GRIA1: variants seen among roughly 807,000 people sequenced by gnomAD.
The protein encoded by GRIA1 is glutamate receptor 1.
Under a neutral mutation model 99.2 loss-of-function variants are expected in GRIA1, and 31 were observed. The ratio of observed to expected loss-of-function variants is 0.31; its 90% confidence interval spans 0.23 to 0.42. The LOEUF is 0.42. GRIA1 is among the 10% of genes least tolerant of loss of function. The probability of loss-of-function intolerance (pLI) is 1.00; values close to 1 mark genes in which losing one functional copy is unlikely to be tolerated. For missense variants in GRIA1, 782 were observed against 1,157.5 expected, an observed-to-expected ratio of 0.68 and a Z score of 4.71; for synonymous variants, 438 against 432.4, an observed-to-expected ratio of 1.01 and a Z score of -0.16.
chr5:153,650,711 A>G (rs1305554058), intron 4 of GRIA1, among the ~76,000 whole-genome samples, 197 bp downstream of exon 4: 1 of 151,854 alleles, frequency 6.6e-6, no homozygotes, highest in Non-Finnish European at 1.5e-5. Flanking sequence ...GCCTTGACAT[A>G]GGGCTTCAAA....
intron 2 of GRIA1, among the ~76,000 whole-genome samples, chr5:153,614,555 AGTTT>A (rs1766299802): frequency 6.6e-6 from 1 of 152,212 alleles, no homozygotes; most frequent in Non-Finnish European, 1.5e-5. Flanking sequence ...AAAGTGGCAG[AGTTT>A]GTTTGTAACC....
chr5:153,562,711 A>T (rs141422825), intron 2 of GRIA1, among the ~76,000 whole-genome samples: 1 of 152,168 alleles, frequency 6.6e-6, no homozygotes, highest in Admixed American at 6.5e-5. Context: ...GAGTGAGTGA[A>T]TGATTGAATC....
At chr5:153,725,041 C>T (rs773915207) in intron 11 of GRIA1, among the ~76,000 whole-genome samples, 4,973 of 152,208 alleles carry the variant, frequency 0.033, 111 homozygotes, top group Non-Finnish European at 0.046. Flanking sequence ...AGACTAACAG[C>T]GGATCTCTCG....
chr5:153,596,919 G>A (rs575301219), intron 2 of GRIA1, among the ~76,000 whole-genome samples: 100 of 152,330 alleles, frequency 6.6e-4, no homozygotes, highest in Middle Eastern at 3.4e-3. Flanking sequence ...CCACTCAGCT[G>A]TCATACAGGC....
chr5:153,597,226 T>C (rs934011922), intron 2 of GRIA1, among the ~76,000 whole-genome samples: 1 of 152,180 alleles, frequency 6.6e-6, no homozygotes, highest in Non-Finnish European at 1.5e-5. Context: ...TTCCCTCTTT[T>C]CCTTTGTATA....
chr5:153,607,895 C>G (rs1265691930), intron 2 of GRIA1, among the ~76,000 whole-genome samples: 1 of 152,012 alleles, frequency 6.6e-6, no homozygotes, highest in South Asian at 2.1e-4. Flanking sequence ...CTCAAAGTTT[C>G]CATCTGGAAT....
At position 153,627,571 on chromosome 5, in the gene GRIA1, A is replaced by G. The variant is rs187226131; in HGVS notation, c.221-19357A>G. Among the ~76,000 whole-genome samples the G allele has an allele frequency of 1.3e-4, 20 of 148,172 alleles. No individual in the cohort carries two copies. In the East Asian group the frequency reaches 3.7e-3, roughly 27 times the overall value. On this transcript the variant is annotated intron_variant, in intron 2 of 15. Coordinates refer to ENST00000285900, the MANE Select transcript of GRIA1 (RefSeq NM_000827.4). ...AGAATGAAGTCACTAACTCCAGAGTAAAAGAATGGGGCAAGCGATGCTCTC... is the reference window on the plus strand; with the variant it reads ...AGAATGAAGTCACTAACTCCAGAGTGAAAGAATGGGGCAAGCGATGCTCTC...
intron 2 of GRIA1, among the ~76,000 whole-genome samples, chr5:153,617,857 A>G (rs762077006): frequency 2.0e-5 from 3 of 152,160 alleles, no homozygotes; most frequent in African/African-American, 4.8e-5. Flanking sequence ...CTATGAGTCT[A>G]AAAAGCTGGT....
chr5:153,555,752 C>A (rs1184179187), intron 2 of GRIA1, among the ~76,000 whole-genome samples: 1 of 152,216 alleles, frequency 6.6e-6, no homozygotes, highest in Non-Finnish European at 1.5e-5. Flanking sequence ...GTCTGACAGA[C>A]TGCTAAAGGA....
At chr5:153,606,637 T>A (rs1177407681) in intron 2 of GRIA1, among the ~76,000 whole-genome samples, 1 of 152,046 alleles carries the variant, frequency 6.6e-6, no homozygotes, top group Non-Finnish European at 1.5e-5. Flanking sequence ...TATTCAATGT[T>A]TTTTGATATT....
chr5:153,734,403 G>A (rs528590092), intron 11 of GRIA1, among the ~76,000 whole-genome samples: 10 of 152,218 alleles, frequency 6.6e-5, no homozygotes, highest in Non-Finnish European at 1.2e-4. Context: ...AGCCATGTTA[G>A]TATCTAGCTT....
chr5:153,509,156 A>C (rs1199362865), intron 2 of GRIA1, among the ~76,000 whole-genome samples: 2 of 152,260 alleles, frequency 1.3e-5, no homozygotes, highest in Admixed American at 1.3e-4. Flanking sequence ...GTGTAATTTT[A>C]TAACAATATC....
chr5:153,697,532 T>A (rs1356059022), intron 8 of GRIA1, among the ~76,000 whole-genome samples: 1 of 152,196 alleles, frequency 6.6e-6, no homozygotes, highest in East Asian at 1.9e-4. Flanking sequence ...AGAAGAAATT[T>A]TTAAAAATAA....
rs556840622 is a variant in GRIA1, at chr5:153,681,388, G to A, written c.1029+4227G>A. 7.9e-5 allele frequency among the ~76,000 whole-genome samples: 12 copies of A among 152,268 alleles called. No homozygotes were observed. The South Asian group carries it at 1.0e-3, about 13-fold the overall frequency. Reference sequence around the variant, plus strand: ...GGGACAAATATCCAAACTATATCACGTCCCAGGCAAACTGAGATGGGTGGT... The same window carrying A: ...GGGACAAATATCCAAACTATATCACATCCCAGGCAAACTGAGATGGGTGGT... On this transcript the variant is annotated intron_variant, in intron 7 of 15. Coordinates refer to ENST00000285900, the MANE Select transcript of GRIA1 (RefSeq NM_000827.4).
chr5:153,494,217 G>C (rs1581124950), intron 2 of GRIA1, 152 bp downstream of exon 2: 1 of 715,392 alleles, frequency 1.4e-6, no homozygotes, highest in Non-Finnish European at 2.3e-6. Context: ...AGAGGCTTCT[G>C]AGTGATTCCA....
intron 6 of GRIA1, among the ~76,000 whole-genome samples, chr5:153,675,047 T>G: frequency 6.6e-6 from 1 of 151,856 alleles, no homozygotes; most frequent in South Asian, 2.1e-4. Context: ...TTCTACCCAG[T>G]AGGAAGAAAA....
intron 2 of GRIA1, among the ~76,000 whole-genome samples, chr5:153,541,927 T>C (rs1413626359): frequency 8.6e-5 from 1 of 11,580 alleles, no homozygotes; most frequent in African/African-American, 1.9e-4. Context: ...AGATCCTGTT[T>C]CAAAAAAAAA....
At chr5:153,746,162 G>A (rs914939223) in intron 11 of GRIA1, among the ~76,000 whole-genome samples, 4 of 145,594 alleles carry the variant, frequency 2.7e-5, no homozygotes, top group East Asian at 2.4e-4. Context: ...TTACTGCCTC[G>A]GAAAGAGCTG....
chr5:153,620,516 AG>A (rs924678045), intron 2 of GRIA1, among the ~76,000 whole-genome samples: 35 of 152,322 alleles, frequency 2.3e-4, no homozygotes, highest in African/African-American at 8.2e-4. Flanking sequence ...CCTGAGAGAA[AG>A]AAAACTTTAT....
Sources: gnomAD v4.1 joint callset for allele counts (sites outside exome capture counted in the v4.1 genomes callset) on GRCh38, gnomAD v4.1.1 for gene constraint, MANE v1.5 for transcripts, NCBI Gene and HGNC (gene_info 2026-07-23, HGNC 2026-07-21) for gene names.